The following ZFP91 variants were observed in gnomAD, a reference collection of about 807,000 sequenced individuals.
ZFP91 encodes the protein E3 ubiquitin-protein ligase ZFP91.
Under a neutral mutation model 63.5 loss-of-function variants are expected in ZFP91, and 7 were observed. That is an observed-to-expected ratio of 0.11 (90% CI 0.06 to 0.21). The LOEUF is 0.21. ZFP91 is among the 10% of genes least tolerant of loss of function. ZFP91 has a pLI of 1.00. For missense variants in ZFP91, 628 were observed against 736.6 expected (o/e 0.85, Z 1.71); for synonymous variants, 330 against 272.1 (o/e 1.21, Z -2.10).
chr11:58,584,818 T>C, intron 1 of ZFP91, 38 bp from the exon 2 acceptor site: 1 of 1,512,086 alleles, frequency 6.6e-7, no homozygotes, highest in Non-Finnish European at 8.9e-7. Context: ...GAAAATGTGC[T>C]AGATTGTTCA....
rs1855826694 is a variant in ZFP91 at position 58,620,260 on chromosome 11, T to C, written c.*2554T>C. 6.6e-6 allele frequency: 1 copy of C among 152,140 alleles called. No individual in the cohort carries two copies. The highest frequency in any genetic ancestry group is 6.5e-5 in the Admixed American group (1 of 15,272). 9.4% of individuals were successfully genotyped at this position (152,140 alleles called of 1,614,324 possible). A position where few individuals can be genotyped will look rare whatever the true frequency, so the allele number is the denominator to read the frequency against. ...GATAAAGGGATGCTGCATAGTAGAG[T>C]TGGTGTAATTAAACTATCTCAGCCG... On this transcript the variant is annotated 3_prime_UTR_variant, in exon 11 of 11. Coordinates refer to ENST00000316059, the MANE Select transcript of ZFP91 (RefSeq NM_053023.5).
chr11:58,583,283 C>T lies in ZFP91; in HGVS notation c.342-1573C>T, dbSNP rs56910232. 4.8e-3 allele frequency among the ~76,000 whole-genome samples: 734 copies of T among 152,186 alleles called. 9 individuals are homozygous for T. Among genetic ancestry groups the T allele is most frequent in the African/African-American group, 0.016 (672 of 41,544 alleles). ...GACAAATACTTTTTAAAAATTCTAACTTCGCTGTTGAGTAACCATATTAGC... is the reference window on the plus strand; with the variant it reads ...GACAAATACTTTTTAAAAATTCTAATTTCGCTGTTGAGTAACCATATTAGC... On this transcript the variant is annotated intron_variant, in intron 1 of 10. Coordinates refer to ENST00000316059, the MANE Select transcript of ZFP91 (RefSeq NM_053023.5).
intron 2 of ZFP91, among the ~76,000 whole-genome samples, chr11:58,607,089 G>T (rs893207871): frequency 2.0e-5 from 3 of 152,006 alleles, no homozygotes; most frequent in Non-Finnish European, 2.9e-5. Flanking sequence ...GAGGTTGTGG[G>T]CATACCATCC....
intron 2 of ZFP91, among the ~76,000 whole-genome samples, chr11:58,594,592 C>T (rs1223702583): frequency 6.6e-6 from 1 of 152,156 alleles, no homozygotes; most frequent in African/African-American, 2.4e-5. Context: ...TGCAGAAATT[C>T]TGTGAAAGCC....
At chr11:58,601,965 A>G (rs151165464) in intron 2 of ZFP91, among the ~76,000 whole-genome samples, 4,562 of 152,162 alleles carry the variant, frequency 0.03, 228 homozygotes, top group African/African-American at 0.1. Context: ...TCTATCGCCC[A>G]GGCTGGAGTG....
At chr11:58,605,864 C>T (rs1295977640) in intron 2 of ZFP91, among the ~76,000 whole-genome samples, 4 of 151,994 alleles carry the variant, frequency 2.6e-5, no homozygotes, top group Admixed American at 1.3e-4. Flanking sequence ...TCTTATTATG[C>T]ATCTGTTGGC....
chr11:58,610,068 A>G (rs755703590), intron 3 of ZFP91, 29 bp downstream of exon 3: 7 of 1,606,384 alleles, frequency 4.4e-6, no homozygotes, highest in Non-Finnish European at 6.0e-6. Context: ...ATGGCTGTTT[A>G]CTAACTAGTT....
chr11:58,609,788 T>C, intron 2 of ZFP91, 42 bp from the exon 3 acceptor site: 2 of 1,560,616 alleles, frequency 1.3e-6, no homozygotes, highest in Admixed American at 3.4e-5. Flanking sequence ...TGGTTATTGG[T>C]TAACTGTAAA....
rs147019284 is a variant in ZFP91, at chr11:58,597,309, T to A, written c.370+12425T>A. 1.7e-3 allele frequency among the ~76,000 whole-genome samples: 254 copies of A among 152,290 alleles called. 1 individual carries two copies. Among genetic ancestry groups the A allele is most frequent in the African/African-American group, 6.0e-3 (249 of 41,564 alleles). Reference sequence around the variant, plus strand: ...GGAGTTAGCCTATCCTTTCCTGCTTTAAATCTTGTTGCTTACTTCCCCACC... The same window carrying A: ...GGAGTTAGCCTATCCTTTCCTGCTTAAAATCTTGTTGCTTACTTCCCCACC... On this transcript the variant is annotated intron_variant, in intron 2 of 10. Transcript: ENST00000316059.
At position 58,588,169 on chromosome 11, in the gene ZFP91, CTG is replaced by C. The variant is rs574900671; in HGVS notation, c.370+3286_370+3287del. On this transcript the variant is annotated intron_variant, in intron 2 of 10. Coordinates refer to ENST00000316059, the MANE Select transcript of ZFP91 (RefSeq NM_053023.5). ...CTTGAAAATTTGATTGTATAAAACT[CTG>C]GATCTCAACCTTTTATTCAAAATCA... 2.4e-3 allele frequency among the ~76,000 whole-genome samples: 367 copies of C among 152,212 alleles called. 4 individuals carry two copies. The highest frequency in any genetic ancestry group is 6.8e-4 in the Non-Finnish European group (46 of 67,974).
At chr11:58,616,849 G>A (rs756482357) in intron 10 of ZFP91, 34 bp downstream of exon 10, 1 of 1,593,024 alleles carries the variant, frequency 6.3e-7, no homozygotes, top group South Asian at 1.1e-5. Flanking sequence ...ATCTGGGTGA[G>A]AAGGATATAT....
chr11:58,612,249 G>A (rs757267656), intron 6 of ZFP91, 29 bp from the exon 7 acceptor site: 2 of 1,611,706 alleles, frequency 1.2e-6, no homozygotes, highest in South Asian at 1.1e-5. Context: ...TTCAGAATAT[G>A]TCTACTGTTA....
At chr11:58,595,883 A>G (rs1038587968) in intron 2 of ZFP91, among the ~76,000 whole-genome samples, 8 of 151,916 alleles carry the variant, frequency 5.3e-5, no homozygotes, top group East Asian at 3.9e-4. Flanking sequence ...CCTAGCATTA[A>G]TCTCTTATTG....
intron 9 of ZFP91, 36 bp from the exon 10 acceptor site, chr11:58,616,680 C>A: frequency 6.4e-7 from 1 of 1,571,774 alleles, no homozygotes; most frequent in South Asian, 1.1e-5. Context: ...TACAGGGTAT[C>A]TAAATAGAAC....
intron 1 of ZFP91, among the ~76,000 whole-genome samples, chr11:58,584,535 T>A (rs756418036): frequency 3.9e-5 from 6 of 152,124 alleles, no homozygotes; most frequent in Non-Finnish European, 7.4e-5. Flanking sequence ...TATCAATATC[T>A]TAGTTAAAAA....
At chr11:58,615,671 T>C (rs1315672321) in intron 9 of ZFP91, among the ~76,000 whole-genome samples, 2 of 152,192 alleles carry the variant, frequency 1.3e-5, no homozygotes, top group Non-Finnish European at 2.9e-5. Context: ...CTATATAAAG[T>C]ATGGAATACA....
At chr11:58,616,503 T>G (rs1174938037) in intron 9 of ZFP91, among the ~76,000 whole-genome samples, 1 of 152,188 alleles carries the variant, frequency 6.6e-6, no homozygotes, top group Admixed American at 6.5e-5. Flanking sequence ...TGTTTTTGTT[T>G]TTTTTTAAAC....
At chr11:58,587,627 T>A (rs1855233794) in intron 2 of ZFP91, among the ~76,000 whole-genome samples, 3 of 152,296 alleles carry the variant, frequency 2.0e-5, no homozygotes, top group South Asian at 4.1e-4. Flanking sequence ...TTAACTTGGC[T>A]TTATGTTTTC....
At chr11:58,613,178 A>G (rs771026658) in intron 8 of ZFP91, among the ~76,000 whole-genome samples, 30 of 152,166 alleles carry the variant, frequency 2.0e-4, no homozygotes, top group Admixed American at 1.3e-4. Context: ...TGGGTAATTT[A>G]CAAAGAACAT....
Sources: gnomAD v4.1 joint callset for allele counts (sites outside exome capture counted in the v4.1 genomes callset) on GRCh38, gnomAD v4.1.1 for gene constraint, MANE v1.5 for transcripts, NCBI Gene and HGNC (gene_info 2026-07-23, HGNC 2026-07-21) for gene names.